The following ASRGL1 variants were observed in gnomAD, a reference collection of about 807,000 sequenced individuals.
ASRGL1 encodes the protein asparaginase and isoaspartyl peptidase 1.
Under a neutral mutation model 22.4 loss-of-function variants are expected in ASRGL1, and 16 were observed. The ratio of observed to expected loss-of-function variants is 0.71; its 90% CI spans 0.48 to 1.08. The LOEUF (loss-of-function observed/expected upper bound fraction) is 1.08. ASRGL1 is among the 50% of genes least tolerant of loss of function. ASRGL1 has a pLI of 0.00. For synonymous variants in ASRGL1, 165 were observed against 159.3 expected (o/e 1.04, Z -0.27); for missense variants, 412 against 410.1 (o/e 1.00, Z -0.04).
chr11:62,341,194 G>A (rs927602958), intron 2 of ASRGL1, among the ~76,000 whole-genome samples: 1 of 150,932 alleles, frequency 6.6e-6, no homozygotes, highest in African/African-American at 2.4e-5. Context: ...TGAGATAACA[G>A]GATTTTTTTT....
chr11:62,339,885 A>G (rs1052723240), intron 2 of ASRGL1, among the ~76,000 whole-genome samples: 1 of 152,190 alleles, frequency 6.6e-6, no homozygotes, highest in African/African-American at 2.4e-5. Flanking sequence ...AAAGAATTTC[A>G]GGAAATCTTA....
At chr11:62,399,904 G>A in the ASRGL1 span, among the ~76,000 whole-genome samples, 101,168 of 152,088 alleles carry the variant, frequency 0.67, 35,849 homozygotes, top group South Asian at 0.83. Context: ...TGCCCGTGGC[G>A]GCCACTAGGG....
At chr11:62,374,639 G>A (rs747712778) in intron 4 of ASRGL1, among the ~76,000 whole-genome samples, 15 of 151,948 alleles carry the variant, frequency 9.9e-5, no homozygotes, top group Non-Finnish European at 1.6e-4. Context: ...CACCCCAGTC[G>A]CTCCTTACCA....
At chr11:62,362,118 T>C (rs1946448742) in intron 4 of ASRGL1, among the ~76,000 whole-genome samples, 1 of 152,068 alleles carries the variant, frequency 6.6e-6, no homozygotes, top group Non-Finnish European at 1.5e-5. Flanking sequence ...CATTTGAAAT[T>C]TGTTTCTAGG....
intron 5 of ASRGL1, chr11:62,389,650 C>T (rs1378918744): frequency 2.9e-6 from 1 of 342,824 alleles, no homozygotes; most frequent in African/African-American, 2.2e-5. Context: ...AAATCTGAGA[C>T]TGCAGTTGTT....
At chr11:62,360,130 C>G (rs375523347) in intron 4 of ASRGL1, among the ~76,000 whole-genome samples, 38 of 151,040 alleles carry the variant, frequency 2.5e-4, no homozygotes, top group African/African-American at 9.2e-4. Context: ...CTCCCAGGTT[C>G]TAGCAGTTCT....
chr11:62,348,330 G>A (rs1946082175), intron 2 of ASRGL1, among the ~76,000 whole-genome samples: 7 of 152,176 alleles, frequency 4.6e-5, no homozygotes, highest in Admixed American at 4.6e-4. Flanking sequence ...AAGCTCCTGG[G>A]TTAGGGGTTT....
chr11:62,348,157 G>A (rs1946076836), intron 2 of ASRGL1, among the ~76,000 whole-genome samples: 1 of 152,148 alleles, frequency 6.6e-6, no homozygotes, highest in Non-Finnish European at 1.5e-5. Flanking sequence ...TTCACGTAGA[G>A]GACTTGAGCA....
At chr11:62,364,271 G>A (rs377151424) in intron 4 of ASRGL1, among the ~76,000 whole-genome samples, 12 of 151,968 alleles carry the variant, frequency 7.9e-5, no homozygotes, top group East Asian at 7.7e-4. Flanking sequence ...GCATGTGTGC[G>A]TGTATGTGTG....
chr11:62,387,727 T>G (rs1035371650), intron 4 of ASRGL1, among the ~76,000 whole-genome samples: 2 of 152,210 alleles, frequency 1.3e-5, no homozygotes, highest in Non-Finnish European at 2.9e-5. Flanking sequence ...TTTTGTTTTG[T>G]TTTTGTCACC....
intron 4 of ASRGL1, chr11:62,371,097 T>C: frequency 1.5e-6 from 1 of 683,242 alleles, no homozygotes; most frequent in Non-Finnish European, 2.2e-6. Context: ...CTTCCTTTTT[T>C]CTCTCTGGTT....
At chr11:62,341,284 C>A (rs1485451213) in intron 2 of ASRGL1, among the ~76,000 whole-genome samples, 2 of 151,410 alleles carry the variant, frequency 1.3e-5, no homozygotes, top group Non-Finnish European at 2.9e-5. Flanking sequence ...CTGCAAGCTC[C>A]ACCTCTCAGG....
chr11:62,347,345 A>T (rs147869776), intron 2 of ASRGL1, among the ~76,000 whole-genome samples: 1 of 152,110 alleles, frequency 6.6e-6, no homozygotes, highest in Non-Finnish European at 1.5e-5. Flanking sequence ...TTGGTTATCA[A>T]CTAACCCTTC....
In ASRGL1 at chr11:62,356,447, G is replaced by T; in HGVS notation, c.313G>T (p.Ala105Ser). Residue 105 changes from alanine (A) to serine (S), a missense_variant, in exon 3 of 7, where the codon GCT becomes TCT. Coordinates refer to ENST00000415229, the MANE Select transcript of ASRGL1 (RefSeq NM_001083926.2). ...GTGTATAGCAAATCCCATTAAACTT[G>T]CTCGGCTTGTCATGGAAAAGGTATA... ...VQCIANPIKL[A>S]RLVMEKTPHC... The T allele has an allele frequency of 6.2e-7, 1 of 1,614,154 alleles. No individual in the cohort carries two copies. Among genetic ancestry groups the T allele is most frequent in the Non-Finnish European group, 8.5e-7 (1 of 1,180,022 alleles).
intron 2 of ASRGL1, 133 bp downstream of exon 2, chr11:62,338,300 A>G: frequency 2.0e-6 from 2 of 1,009,842 alleles, no homozygotes; most frequent in South Asian, 4.0e-5. Context: ...AAGAAACAAT[A>G]TTTAATTTTT....
chr11:62,375,464 ATATATATATATATATATTTC>A (rs1243221647), intron 4 of ASRGL1, among the ~76,000 whole-genome samples: 1 of 82,696 alleles, frequency 1.2e-5, no homozygotes, highest in Admixed American at 1.2e-4. Context: ...ATATATATAT[ATATATATATATATATATTTC>A]TTGGAGTAAA....
intron 2 of ASRGL1, among the ~76,000 whole-genome samples, chr11:62,349,768 C>T (rs1317850509): frequency 6.6e-6 from 1 of 152,200 alleles, no homozygotes; most frequent in African/African-American, 2.4e-5. Context: ...AGCATGGCTA[C>T]TCCATAGAGC....
chr11:62,382,256 ACGGAGGACCCCCAC>A (rs1202479520), intron 4 of ASRGL1: 1 of 151,512 alleles, frequency 6.6e-6, no homozygotes, highest in African/African-American at 2.4e-5. Context: ...TGCTCAGCAT[ACGGAGGACCCCCAC>A]CGGCAACAGT....
chr11:62,379,948 A>G (rs1432783519), intron 4 of ASRGL1, among the ~76,000 whole-genome samples: 1 of 151,736 alleles, frequency 6.6e-6, no homozygotes, highest in African/African-American at 2.4e-5. Flanking sequence ...TCTTTTTTAC[A>G]TCTTGGACAT....
Sources: gnomAD v4.1 joint callset for allele counts (sites outside exome capture counted in the v4.1 genomes callset) on GRCh38, gnomAD v4.1.1 for gene constraint, MANE v1.5 for transcripts, NCBI Gene and HGNC (gene_info 2026-07-23, HGNC 2026-07-21) for gene names.